VAV3: variants seen among roughly 807,000 people sequenced by gnomAD.
VAV3 encodes the protein vav guanine nucleotide exchange factor 3.
Under a neutral mutation model 131.2 loss-of-function variants are expected in VAV3, and 94 were observed. The observed-to-expected ratio is 0.72, with a 90% CI of 0.61 to 0.85. The LOEUF is 0.85. Among genes scored for constraint, VAV3 ranks in the 40% least tolerant of loss-of-function variants. VAV3 has a pLI of 0.00. For synonymous variants in VAV3, 349 were observed against 342.0 expected (o/e 1.02, Z -0.22); for missense variants, 939 against 1,002.7 (o/e 0.94, Z 0.86).
At chr1:107,725,519 T>C (rs1231734526) in intron 15 of VAV3, among the ~76,000 whole-genome samples, 1 of 152,068 alleles carries the variant, frequency 6.6e-6, no homozygotes, top group Non-Finnish European at 1.5e-5. Context: ...AAATTCATCA[T>C]TATTATTATT....
intron 19 of VAV3, among the ~76,000 whole-genome samples, chr1:107,655,568 G>C (rs948924668): frequency 6.6e-6 from 1 of 151,968 alleles, no homozygotes; most frequent in African/African-American, 2.4e-5. Context: ...TTGGGAAAAG[G>C]TTTTTTGTGT....
intron 2 of VAV3, among the ~76,000 whole-genome samples, chr1:107,841,389 A>G (rs1668701623): frequency 6.6e-6 from 1 of 152,172 alleles, no homozygotes; most frequent in African/African-American, 2.4e-5. Context: ...AAGGGCACAG[A>G]AATTGTCAGA....
intron 2 of VAV3, among the ~76,000 whole-genome samples, chr1:107,845,561 A>G (rs1251346951): frequency 6.6e-6 from 1 of 151,530 alleles, no homozygotes; most frequent in Non-Finnish European, 1.5e-5. Flanking sequence ...TTAAAAAGTT[A>G]GAGGAATTGC....
intron 1 of VAV3, among the ~76,000 whole-genome samples, chr1:107,887,801 G>T (rs766842148): frequency 1.3e-5 from 2 of 151,940 alleles, no homozygotes; most frequent in African/African-American, 4.8e-5. Flanking sequence ...ATGACCCACA[G>T]GTGCTTTGAT....
rs149179876 is a variant in VAV3 at position 107,681,949 on chromosome 1, T to C, written c.1777+1539A>G. 9.5e-3 allele frequency among the ~76,000 whole-genome samples: 1,451 copies of C among 152,304 alleles called. 11 individuals carry two copies. Among genetic ancestry groups the C allele is most frequent in the South Asian group, 0.013 (65 of 4,830 alleles). ...TGCTGGGATTACAGGCGTGAGCCAC[T>C]GCACCCAGCCACGTATGTTCTTACA... On this transcript the variant is annotated intron_variant, in intron 19 of 26. Coordinates refer to ENST00000370056, the MANE Select transcript of VAV3 (RefSeq NM_006113.5).
In VAV3 at chr1:107,964,963, C is replaced by G. The variant is rs945235048; in HGVS notation, c.-94G>C. 9.4e-7 allele frequency: 1 copy of G among 1,065,892 alleles called. No homozygotes were observed. Among genetic ancestry groups the G allele is most frequent in the Non-Finnish European group, 1.2e-6 (1 of 846,806 alleles). The allele number at this position is 1,065,892 out of a possible 1,614,324, so 66.0% of individuals were successfully genotyped here. ...GCGGTTCCTCCGCGCCCCGCCGACG[C>G]CAACAGCCGCCGGCCCTTTCCCCGC... On this transcript the variant is annotated 5_prime_UTR_variant, in exon 1 of 27. Transcript: ENST00000370056.
chr1:107,663,589 A>G (rs1557743611), intron 19 of VAV3, among the ~76,000 whole-genome samples: 1 of 152,200 alleles, frequency 6.6e-6, no homozygotes, highest in Non-Finnish European at 1.5e-5. Context: ...ATGATTCAAG[A>G]TAATTGCCTA....
intron 19 of VAV3, among the ~76,000 whole-genome samples, chr1:107,666,837 T>C (rs1226182986): frequency 6.6e-6 from 1 of 152,166 alleles, no homozygotes; most frequent in African/African-American, 2.4e-5. Context: ...GGTCTTATTA[T>C]TTCCATTTTA....
At chr1:107,635,939 A>G (rs138969246) in intron 20 of VAV3, among the ~76,000 whole-genome samples, 1 of 152,348 alleles carries the variant, frequency 6.6e-6, no homozygotes, top group African/African-American at 2.4e-5. Context: ...CAGTTCACTC[A>G]TCTATAAATT....
chr1:107,587,371 T>C (rs553292554), intron 25 of VAV3, among the ~76,000 whole-genome samples: 2 of 152,216 alleles, frequency 1.3e-5, no homozygotes, highest in East Asian at 3.9e-4. Flanking sequence ...AAAAAAGAGA[T>C]ATCAGCATTG....
chr1:107,626,371 G>A (rs937672475), intron 20 of VAV3, among the ~76,000 whole-genome samples: 23 of 152,192 alleles, frequency 1.5e-4, no homozygotes, highest in African/African-American at 4.8e-4. Flanking sequence ...CCTTGTTCTA[G>A]TGCAGTCACA....
In VAV3 at chr1:107,609,980, A is replaced by T. The variant is rs1318483842; in HGVS notation, c.1981-15T>A. The T allele has an allele frequency of 6.2e-7, 1 of 1,613,026 alleles. No homozygotes were observed. The highest frequency in any genetic ancestry group is 1.1e-5 in the South Asian group (1 of 91,044). On this transcript the variant is annotated splice_polypyrimidine_tract_variant and intron_variant, in intron 21 of 26. Transcript: ENST00000370056. The stretch of plus-strand genomic sequence containing the variant: ...GGTTTGGGCACCTAGGATATAAAAA[A>T]GCAAAAACAGATTAAGTTTACATAA...
chr1:107,956,756 T>A (rs552896374), intron 1 of VAV3, among the ~76,000 whole-genome samples: 24 of 152,232 alleles, frequency 1.6e-4, no homozygotes, highest in Non-Finnish European at 2.8e-4. Flanking sequence ...TTAGGGATCA[T>A]GAACTTAAAG....
intron 1 of VAV3, among the ~76,000 whole-genome samples, chr1:107,956,332 C>T (rs947796516): frequency 3.9e-5 from 6 of 152,144 alleles, no homozygotes; most frequent in Non-Finnish European, 5.9e-5. Flanking sequence ...TAAATGGTCT[C>T]GGGCAGTTCT....
chr1:107,768,690 A>C (rs1664871036), intron 6 of VAV3, among the ~76,000 whole-genome samples, 181 bp from the exon 7 acceptor site: 1 of 152,228 alleles, frequency 6.6e-6, no homozygotes, highest in African/African-American at 2.4e-5. Context: ...TAGATATATA[A>C]AAACATAAAT....
chr1:107,915,996 G>A (rs1672601083), intron 1 of VAV3, among the ~76,000 whole-genome samples: 1 of 152,106 alleles, frequency 6.6e-6, no homozygotes, highest in African/African-American at 2.4e-5. Flanking sequence ...GCAATGAGGG[G>A]AGCATTTAAC....
At chr1:107,962,224 C>T (rs1199106807) in intron 1 of VAV3, among the ~76,000 whole-genome samples, 1 of 152,220 alleles carries the variant, frequency 6.6e-6, no homozygotes, top group East Asian at 1.9e-4. Context: ...AATGACATCT[C>T]TAACTCCAGG....
intron 12 of VAV3, among the ~76,000 whole-genome samples, chr1:107,753,911 G>C (rs540799159): frequency 4.6e-4 from 70 of 152,052 alleles, no homozygotes; most frequent in African/African-American, 1.6e-3. Flanking sequence ...AGCTGTCCAA[G>C]AAATATGCTA....
chr1:107,617,935 A>C (rs1211276678), intron 20 of VAV3, among the ~76,000 whole-genome samples: 1 of 152,106 alleles, frequency 6.6e-6, no homozygotes, highest in African/African-American at 2.4e-5. Flanking sequence ...GTGGACACCA[A>C]CGTTTTTGGC....
Sources: gnomAD v4.1 joint callset for allele counts (sites outside exome capture counted in the v4.1 genomes callset) on GRCh38, gnomAD v4.1.1 for gene constraint, MANE v1.5 for transcripts, NCBI Gene and HGNC (gene_info 2026-07-23, HGNC 2026-07-21) for gene names.